TSPEAR: variants seen among roughly 807,000 people sequenced by gnomAD.
TSPEAR encodes thrombospondin type laminin G domain and EAR repeats, also known as thrombospondin-type laminin G domain and EAR repeat-containing protein.
In TSPEAR, 69 loss-of-function variants were observed where a neutral mutation model predicts 71.6. The observed-to-expected ratio is 0.96, with a 90% CI of 0.79 to 1.18. TSPEAR has a LOEUF of 1.18. TSPEAR is among the 50% of genes most tolerant of loss of function. TSPEAR has a pLI of 0.00. For synonymous variants in TSPEAR, 402 were observed against 387.2 expected (o/e 1.04, Z -0.45); for missense variants, 971 against 894.9 (o/e 1.09, Z -1.09).
At chr21:44,557,010 T>G (rs1003392444) in intron 2 of TSPEAR, among the ~76,000 whole-genome samples, 1 of 152,194 alleles carries the variant, frequency 6.6e-6, no homozygotes, top group Non-Finnish European at 1.5e-5. Flanking sequence ...TAGCATGTAC[T>G]TCCCTAGGGA....
At chr21:44,541,086 T>C (rs917248190) in intron 2 of TSPEAR, among the ~76,000 whole-genome samples, 1 of 152,190 alleles carries the variant, frequency 6.6e-6, no homozygotes, top group Admixed American at 6.5e-5. Context: ...TCAGTATTTC[T>C]GCACCACGTG....
intron 1 of TSPEAR, among the ~76,000 whole-genome samples, chr21:44,708,726 G>A (rs994784877): frequency 1.3e-5 from 2 of 151,838 alleles, no homozygotes; most frequent in Non-Finnish European, 2.9e-5. Flanking sequence ...TCCCCTCCCC[G>A]AATGCTGCTC....
rs1020503291 is a variant in TSPEAR at position 44,661,329 on chromosome 21, A to G, written c.82+50104T>C. Reference sequence around the variant, plus strand: ...GCATTATAACTAATTGACTGTCCAGAGCAAAAATAGTGACAGTGCATTGTG... The same window carrying G: ...GCATTATAACTAATTGACTGTCCAGGGCAAAAATAGTGACAGTGCATTGTG... On this transcript the variant is annotated intron_variant, in intron 1 of 11. Coordinates refer to ENST00000323084, the MANE Select transcript of TSPEAR (RefSeq NM_144991.3). Among the ~76,000 whole-genome samples, 3 of 151,176 alleles carry G rather than the reference A, an allele frequency of 2.0e-5. No homozygotes were observed. In the South Asian group the frequency reaches 6.3e-4, roughly 32 times the overall value.
At position 44,661,082 on chromosome 21, in the gene TSPEAR, T is replaced by C. The variant is rs587667086; in HGVS notation, c.82+50351A>G. On this transcript the variant is annotated intron_variant, in intron 1 of 11. Transcript: ENST00000323084. The stretch of plus-strand genomic sequence containing the variant: ...CGAGGCAAGCAGATCGAGACCATCC[T>C]GGCTAACACGGTGAAACCCGTCTCT... Among the ~76,000 whole-genome samples the C allele has an allele frequency of 4.7e-4, 72 of 152,256 alleles. 1 individual carries two copies. In the South Asian group the frequency reaches 0.014, roughly 30 times the overall value.
chr21:44,570,301 C>T (rs1322279221), intron 1 of TSPEAR, among the ~76,000 whole-genome samples: 1 of 152,254 alleles, frequency 6.6e-6, no homozygotes, highest in Non-Finnish European at 1.5e-5. Flanking sequence ...CTTCCTGGCT[C>T]CGGACCCCAC....
intron 1 of TSPEAR, among the ~76,000 whole-genome samples, chr21:44,635,067 G>T (rs919495938): frequency 6.6e-6 from 1 of 152,118 alleles, no homozygotes; most frequent in African/African-American, 2.4e-5. Context: ...TTATAGGGCC[G>T]GGCGCAGTGG....
intron 1 of TSPEAR, chr21:44,574,821 T>G: frequency 1.2e-6 from 2 of 1,614,034 alleles, no homozygotes; most frequent in Non-Finnish European, 1.7e-6. Context: ...CACCTCCTGC[T>G]GCAGACCCTC....
At chr21:44,573,764 C>A in intron 1 of TSPEAR, 1 of 1,607,696 alleles carries the variant, frequency 6.2e-7, no homozygotes, top group Non-Finnish European at 8.5e-7. Flanking sequence ...CCACCATGTC[C>A]GTCTGCTCCA....
chr21:44,707,301 G>C (rs1395809553), intron 1 of TSPEAR, among the ~76,000 whole-genome samples: 1 of 135,394 alleles, frequency 7.4e-6, no homozygotes, highest in Non-Finnish European at 1.6e-5. Flanking sequence ...AGGACGCGGG[G>C]TGGGGGGGGG....
At chr21:44,562,383 T>A (rs1377721294) in intron 2 of TSPEAR, among the ~76,000 whole-genome samples, 1 of 152,178 alleles carries the variant, frequency 6.6e-6, no homozygotes, top group Admixed American at 6.5e-5. Context: ...GAAGAATCGA[T>A]ATCATGAAAA....
At position 44,612,458 on chromosome 21, in the gene TSPEAR, G is replaced by A. The variant is rs782481453; in HGVS notation, c.83-44453C>T. ...CTCCCCCTGCCAACAGGCCTGCTGT[G>A]TGCCTGTGTGCTGCAAGTCCAACTG... On this transcript the variant is annotated intron_variant, in intron 1 of 11. Coordinates refer to ENST00000323084, the MANE Select transcript of TSPEAR (RefSeq NM_144991.3). The surrounding 1 kb of genome is among the most constrained non-coding windows in gnomAD (Gnocchi z 4.1). 1.2e-6 allele frequency: 2 copies of A among 1,612,328 alleles called. No homozygotes were observed. Among genetic ancestry groups the A allele is most frequent in the Non-Finnish European group, 1.7e-6 (2 of 1,178,562 alleles).
chr21:44,637,562 T>C, intron 1 of TSPEAR: 24 of 1,613,680 alleles, frequency 1.5e-5, no homozygotes, highest in Non-Finnish European at 1.9e-5. Flanking sequence ...GAGCTGTGTG[T>C]CCAGCCCCTG....
At position 44,522,681 on chromosome 21, in the gene TSPEAR, G is replaced by T. The variant is rs587743123; in HGVS notation, c.1337-569C>A. Among the ~76,000 whole-genome samples, 28 of 152,360 alleles carry T rather than the reference G, an allele frequency of 1.8e-4. 1 individual carries two copies. Among genetic ancestry groups the T allele is most frequent in the African/African-American group, 6.7e-4 (28 of 41,602 alleles). On this transcript the variant is annotated intron_variant, in intron 8 of 11. Coordinates refer to ENST00000323084, the MANE Select transcript of TSPEAR (RefSeq NM_144991.3). ...GGTGGCCGCTCAGGGCAGTGTCCTG[G>T]CCTGGAAAGCAGGTGTCCCGGTACC...
intron 1 of TSPEAR, among the ~76,000 whole-genome samples, chr21:44,667,131 A>T (rs1292902700): frequency 6.6e-6 from 1 of 151,858 alleles, no homozygotes; most frequent in Non-Finnish European, 1.5e-5. Context: ...ATGCTTGGAA[A>T]CCTGCCAGAG....
At chr21:44,622,536 C>T (rs1982509901) in intron 1 of TSPEAR, among the ~76,000 whole-genome samples, 1 of 152,194 alleles carries the variant, frequency 6.6e-6, no homozygotes, top group Non-Finnish European at 1.5e-5. Flanking sequence ...GAGACTCTGT[C>T]CTTGCTGCTT....
intron 2 of TSPEAR, among the ~76,000 whole-genome samples, chr21:44,561,498 C>T (rs782312909): frequency 3.3e-5 from 5 of 152,178 alleles, no homozygotes; most frequent in Admixed American, 6.5e-5. Context: ...CACCATCATC[C>T]TGATACCAAA....
intron 11 of TSPEAR, 80 bp from the exon 12 acceptor site, chr21:44,500,016 C>G (rs1240086000): frequency 7.0e-7 from 1 of 1,436,890 alleles, no homozygotes; most frequent in Non-Finnish European, 9.2e-7. Context: ...CCCGCGCTGT[C>G]AGGGACCCAG....
chr21:44,572,885 A>T (rs1038844271), intron 1 of TSPEAR, among the ~76,000 whole-genome samples: 68 of 141,510 alleles, frequency 4.8e-4, no homozygotes, highest in African/African-American at 1.7e-3. Context: ...ACACACACAC[A>T]CGGAGAAGCT....
chr21:44,503,583 C>T (rs2052103264), intron 11 of TSPEAR, among the ~76,000 whole-genome samples: 2 of 131,296 alleles, frequency 1.5e-5, no homozygotes, highest in African/African-American at 6.0e-5. Flanking sequence ...GGAAGCTGGC[C>T]TCGGTGAGCC....
Sources: allele counts gnomAD v4.1 joint callset (sites outside exome capture counted in the v4.1 genomes callset), GRCh38; gene constraint gnomAD v4.1.1; non-coding constraint Gnocchi (gnomAD v3.1); transcripts MANE v1.5; gene names NCBI Gene and HGNC (gene_info 2026-07-23, HGNC 2026-07-21).